The following VEGFD variants were observed in gnomAD, a reference collection of about 807,000 sequenced individuals.
VEGFD encodes the protein c-fos induced growth factor (vascular endothelial growth factor D).
VEGFD carries 26 observed loss-of-function variants against 28.0 expected under a neutral mutation model. That is an observed-to-expected ratio of 0.93 (90% CI 0.68 to 1.29). The LOEUF (loss-of-function observed/expected upper bound fraction) is 1.29. Ranked by LOEUF, VEGFD falls within the 50% of genes most tolerant of loss-of-function variation. The pLI is 0.00. For synonymous variants in VEGFD, 93 were observed against 95.5 expected, an observed-to-expected ratio of 0.97 and a Z score of 0.15; for missense variants, 294 against 273.4, an observed-to-expected ratio of 1.08 and a Z score of -0.53.
At chrX:15,354,363 T>C (rs1922812341) in intron 4 of VEGFD, among the ~76,000 whole-genome samples, 1 of 107,580 alleles carries the variant, frequency 9.3e-6, no homozygotes, top group Non-Finnish European at 1.9e-5. Context: ...ACAAGTTTTC[T>C]TTTCTGCTGG....
chrX:15,346,622 T>C, intron 6 of VEGFD, among the ~76,000 whole-genome samples: 1 of 112,373 alleles, frequency 8.9e-6, no homozygotes, highest in Non-Finnish European at 1.9e-5. Context: ...ATTTTACCAA[T>C]TTCATTGTTG....
Position 15,384,189 on chromosome X carries a change from A to G in VEGFD, c.-243T>C. 1 of 298,441 alleles carries G rather than the reference A, an allele frequency of 3.4e-6. No individual in the cohort carries two copies. The highest frequency in any genetic ancestry group is 5.9e-6 in the Non-Finnish European group (1 of 170,732). The allele number at this position is 298,441 out of a possible 1,213,427, so 24.6% of individuals were successfully genotyped here. On this transcript the variant is annotated 5_prime_UTR_variant, in exon 1 of 7. Transcript: ENST00000297904. ...AAAAATCAAAATGTTCTCCAAAAAT[A>G]ATCAGAAGGTGGACATGTCTTCTAC...
At chrX:15,367,320 G>A (rs1027253840) in intron 1 of VEGFD, among the ~76,000 whole-genome samples, 1 of 112,251 alleles carries the variant, frequency 8.9e-6, no homozygotes, top group African/African-American at 3.2e-5. Context: ...AGAGGAGTGG[G>A]GAGCATGAGG....
At position 15,347,264 on chromosome X, in the gene VEGFD, C is replaced by A; in HGVS notation, c.838G>T (p.Asp280Tyr). 1 of 1,211,499 alleles carries A rather than the reference C, an allele frequency of 8.3e-7. No individual in the cohort carries two copies. Among genetic ancestry groups the A allele is most frequent in the Non-Finnish European group, 1.1e-6 (1 of 895,318 alleles). ...ECVCKTPCPK[D>Y]LIQHPKNCSC... ...CAGTTTTTGGGGTGCTGGATTAGAT[C>A]TTTGGGACATGGTGTTTTACAGACA... is the stretch of plus-strand genomic sequence containing the variant. The change falls in exon 6 of 7, where the codon GAT becomes TAT. Residue 280 changes from aspartate to tyrosine, a missense_variant. Coordinates refer to ENST00000297904, the MANE Select transcript of VEGFD (RefSeq NM_004469.5).
At position 15,384,294 on chromosome X, in the gene VEGFD, G is replaced by T. The variant is rs776857259; in HGVS notation, c.-348C>A. The T allele has an allele frequency of 4.8e-4, 72 of 151,365 alleles. No homozygotes were observed. The highest frequency in any genetic ancestry group is 1.9e-3 in the African/African-American group (59 of 31,848). 12.5% of individuals were successfully genotyped at this position (151,365 alleles called of 1,213,427 possible). A position where few individuals can be genotyped will look rare whatever the true frequency, so the allele number is the denominator to read the frequency against. ...TCTCCAATGTATGCCGCAGGTTCTA[G>T]TTGCTTTGTAAGGAGGTGGTGTGGC... On this transcript the variant is annotated 5_prime_UTR_variant, in exon 1 of 7. Transcript: ENST00000297904.
In VEGFD at chrX:15,347,246, T is replaced by G. The variant is rs775717720; in HGVS notation, c.856A>C (p.Lys286Gln). The G allele has an allele frequency of 1.7e-6, 2 of 1,211,607 alleles. No homozygotes were observed. The highest frequency in any genetic ancestry group is 4.3e-5 in the Admixed American group (2 of 46,058). Residue 286 changes from lysine (K) to glutamine (Q), a missense_variant, in exon 6 of 7, where the codon AAA becomes CAA. Physicochemically the swap from Lys to Gln is moderately conservative, Grantham distance 53. Coordinates refer to ENST00000297904, the MANE Select transcript of VEGFD (RefSeq NM_004469.5). ...PCPKDLIQHP[K>Q]NCSCFECKES... ...TTGCACTCAAAGCAACTGCAGTTTT[T>G]GGGGTGCTGGATTAGATCTTTGGGA...
intron 1 of VEGFD, among the ~76,000 whole-genome samples, chrX:15,371,666 A>G (rs1172207429): frequency 8.9e-6 from 1 of 112,249 alleles, no homozygotes; most frequent in East Asian, 2.8e-4. Flanking sequence ...CTGACTAGAT[A>G]AACTGCTACA....
chrX:15,351,044 T>A (rs1373198416), intron 5 of VEGFD, among the ~76,000 whole-genome samples: 4 of 83,390 alleles, frequency 4.8e-5, no homozygotes, highest in African/African-American at 1.9e-4. Context: ...TTTTTTTTTT[T>A]TTTTTTTTTT....
At position 15,345,676 on chromosome X, in the gene VEGFD, T is replaced by C. The variant is rs1922527363; in HGVS notation, c.*457A>G. 1 of 114,708 alleles carries C rather than the reference T, an allele frequency of 8.7e-6. No individual in the cohort carries two copies. The highest frequency in any genetic ancestry group is 3.2e-5 in the African/African-American group (1 of 30,911). The allele number at this position is 114,708 out of a possible 1,213,427, so 9.5% of individuals were successfully genotyped here. A position where few individuals can be genotyped will look rare whatever the true frequency, so the allele number is the denominator to read the frequency against. On this transcript the variant is annotated 3_prime_UTR_variant, in exon 7 of 7. Coordinates refer to ENST00000297904, the MANE Select transcript of VEGFD (RefSeq NM_004469.5). ...ATGGTAGTTCATTAAACTGGAAGAC[T>C]ATAAGCTGGACAGTAATCAGAAAGT... is the stretch of plus-strand genomic sequence containing the variant.
At chrX:15,353,511 G>A (rs1177622680) in intron 4 of VEGFD, among the ~76,000 whole-genome samples, 1 of 112,160 alleles carries the variant, frequency 8.9e-6, no homozygotes, top group Non-Finnish European at 1.9e-5. Context: ...AGTCCGAGGC[G>A]GGCAGATCAC....
chrX:15,352,730 C>T (rs1922761974), intron 5 of VEGFD, among the ~76,000 whole-genome samples: 1 of 111,762 alleles, frequency 8.9e-6, no homozygotes, highest in Admixed American at 9.5e-5. Context: ...CAGGATGCTC[C>T]AACCACTCTG....
chrX:15,367,722 G>A (rs937017915), intron 1 of VEGFD, among the ~76,000 whole-genome samples: 2 of 110,160 alleles, frequency 1.8e-5, no homozygotes, highest in Non-Finnish European at 3.8e-5. Context: ...TTGGGAAGCC[G>A]AGGTGGGAGG....
At chrX:15,380,051 G>A (rs762428251) in intron 1 of VEGFD, among the ~76,000 whole-genome samples, 36 of 112,394 alleles carry the variant, frequency 3.2e-4, no homozygotes, top group Admixed American at 1.3e-3. Flanking sequence ...GTGTATAGAA[G>A]CATATAATTC....
intron 1 of VEGFD, among the ~76,000 whole-genome samples, chrX:15,365,330 G>A (rs1236608490): frequency 9.0e-6 from 1 of 111,186 alleles, no homozygotes; most frequent in Non-Finnish European, 1.9e-5. Flanking sequence ...ATGGGGTTTC[G>A]CCATGTTGCG....
At chrX:15,371,379 A>G (rs1425042086) in intron 1 of VEGFD, among the ~76,000 whole-genome samples, 1 of 112,202 alleles carries the variant, frequency 8.9e-6, no homozygotes, top group African/African-American at 3.2e-5. Flanking sequence ...TCAAGAATAT[A>G]GCTGGCAATC....
intron 1 of VEGFD, 27 bp downstream of exon 1, chrX:15,383,830 A>C (rs1037930201): frequency 8.9e-6 from 10 of 1,119,763 alleles, no homozygotes; most frequent in African/African-American, 3.6e-5. Flanking sequence ...AAAGAACTTC[A>C]TCACATTAAA....
At chrX:15,365,993 C>CTTGTTTGT (rs1923135911) in intron 1 of VEGFD, among the ~76,000 whole-genome samples, 1 of 104,348 alleles carries the variant, frequency 9.6e-6, no homozygotes, top group African/African-American at 3.8e-5. Flanking sequence ...TATATTCTTC[C>CTTGTTTGT]TAGTTTGTTT....
chrX:15,347,369 A>G lies in VEGFD; in HGVS notation c.743-10T>C. 8.4e-7 allele frequency: 1 copy of G among 1,183,599 alleles called. No homozygotes were observed. The highest frequency in any genetic ancestry group is 1.1e-6 in the Non-Finnish European group (1 of 877,649). On this transcript the variant is annotated splice_polypyrimidine_tract_variant and intron_variant, in intron 5 of 6. Coordinates refer to ENST00000297904, the MANE Select transcript of VEGFD (RefSeq NM_004469.5). Reference sequence around the variant, plus strand: ...TGGAGATGAGAGTGGTCTAAAGAGAAACAGAAACGTGTTGGTCAGATAGTT... The same window carrying G: ...TGGAGATGAGAGTGGTCTAAAGAGAGACAGAAACGTGTTGGTCAGATAGTT...
chrX:15,383,561 C>T (rs893272580), intron 1 of VEGFD, among the ~76,000 whole-genome samples: 7 of 112,092 alleles, frequency 6.2e-5, no homozygotes, highest in African/African-American at 1.6e-4. Context: ...GTGCCATCTG[C>T]ATATGCAACC....
Sources: allele counts gnomAD v4.1 joint callset (sites outside exome capture counted in the v4.1 genomes callset), GRCh38; gene constraint gnomAD v4.1.1; transcripts MANE v1.5; gene names NCBI Gene and HGNC (gene_info 2026-07-23, HGNC 2026-07-21).